The following CUX1 variants were observed in gnomAD, a reference collection of about 807,000 sequenced individuals.
The protein encoded by CUX1 is cut like homeobox 1, also known as protein CASP.
A neutral mutation model predicts 158.8 loss-of-function variants in CUX1; 31 were observed. The ratio of observed to expected loss-of-function variants is 0.20; its 90% CI spans 0.15 to 0.26. The LOEUF is 0.26. CUX1 is among the 10% of genes least tolerant of loss of function. CUX1 has a pLI of 1.00. For synonymous variants in CUX1, 879 were observed against 862.1 expected, an observed-to-expected ratio of 1.02 and a Z score of -0.34; for missense variants, 1,589 against 2,014.6, an observed-to-expected ratio of 0.79 and a Z score of 4.04.
At chr7:102,123,821 C>T (rs552144141) in intron 8 of CUX1, among the ~76,000 whole-genome samples, 2 of 151,924 alleles carry the variant, frequency 1.3e-5, no homozygotes, top group Non-Finnish European at 2.9e-5. Flanking sequence ...TACCACCACA[C>T]CTGGCTAATT....
At chr7:102,282,924 G>A in intron 22 of CUX1, 5 of 811,622 alleles carry the variant, frequency 6.2e-6, no homozygotes, top group Non-Finnish European at 1.0e-5. Flanking sequence ...CCTACTCCCG[G>A]TATCCACTAC....
At chr7:101,923,780 C>G (rs1805255595) in intron 2 of CUX1, among the ~76,000 whole-genome samples, 1 of 152,242 alleles carries the variant, frequency 6.6e-6, no homozygotes, top group Non-Finnish European at 1.5e-5. Context: ...GGCGGCAGCC[C>G]TGACTGTCGG....
chr7:102,184,155 C>T (rs2131841622), intron 11 of CUX1, among the ~76,000 whole-genome samples: 1 of 152,334 alleles, frequency 6.6e-6, no homozygotes, highest in African/African-American at 2.4e-5. Context: ...ACCTCAGTCT[C>T]CCCTAGTGCT....
At chr7:101,940,909 C>T (rs1807626638) in intron 2 of CUX1, among the ~76,000 whole-genome samples, 1 of 152,168 alleles carries the variant, frequency 6.6e-6, no homozygotes, top group African/African-American at 2.4e-5. Flanking sequence ...AGAGAGGGTC[C>T]GTGACTTGCT....
chr7:101,817,527 A>T, upstream of CUX1: 1 of 1,212,906 alleles, frequency 8.2e-7, no homozygotes, highest in South Asian at 3.1e-5. This position sits in a 1 kb window ranked among gnomAD's most constrained non-coding sequence, Gnocchi z 4.1. Context: ...CCAAGGGGCG[A>T]GTGCCTGCCT....
At chr7:102,149,432 G>A (rs1445468087) in intron 8 of CUX1, among the ~76,000 whole-genome samples, 3 of 106,370 alleles carry the variant, frequency 2.8e-5, no homozygotes, top group Admixed American at 3.0e-4. Flanking sequence ...GTATATCCCT[G>A]CTGAGCTCCT....
intron 3 of CUX1, among the ~76,000 whole-genome samples, chr7:102,031,687 A>G (rs1197214372): frequency 2.0e-5 from 3 of 152,198 alleles, no homozygotes. Context: ...GGTATACAAC[A>G]TGATGCTATG....
rs536626706 is a variant in CUX1 at position 102,104,629 on chromosome 7, C to T, written c.530+170C>T. Reference sequence around the variant, plus strand: ...TATTCTGGCTGGGTGTGGTGGCTCACGCCTGTAATCTCAGCACTTTGGGAG... The same window carrying T: ...TATTCTGGCTGGGTGTGGTGGCTCATGCCTGTAATCTCAGCACTTTGGGAG... On this transcript the variant is annotated intron_variant, in intron 6 of 23. Transcript: ENST00000292535. 5.3e-5 allele frequency among the ~76,000 whole-genome samples: 8 copies of T among 152,240 alleles called. No individual in the cohort carries two copies. In the South Asian group the frequency reaches 1.2e-3, roughly 24 times the overall value.
intron 3 of CUX1, among the ~76,000 whole-genome samples, chr7:102,068,541 A>G (rs1825798438): frequency 6.6e-6 from 1 of 152,156 alleles, no homozygotes; most frequent in East Asian, 1.9e-4. Context: ...GCATTGCGCT[A>G]GGCTGCTATG....
intron 8 of CUX1, among the ~76,000 whole-genome samples, chr7:102,147,055 C>T (rs118041784): frequency 0.014 from 2,109 of 152,128 alleles, 33 homozygotes; most frequent in Admixed American, 0.02. Flanking sequence ...AAATGAAAAC[C>T]GCTATTTCCA....
chr7:102,279,685 T>TG (rs111265010), intron 18 of CUX1, among the ~76,000 whole-genome samples: 210 of 152,216 alleles, frequency 1.4e-3, no homozygotes, highest in African/African-American at 4.8e-3. Context: ...GGTGGCCAGC[T>TG]GGGGGGCGTC....
At chr7:101,919,341 A>G (rs1804615184) in intron 2 of CUX1, among the ~76,000 whole-genome samples, 1 of 152,162 alleles carries the variant, frequency 6.6e-6, no homozygotes. Context: ...AGGAGCCACC[A>G]CTGCCCTGAC....
At chr7:102,042,125 C>T (rs1328295296) in intron 3 of CUX1, among the ~76,000 whole-genome samples, 1 of 152,064 alleles carries the variant, frequency 6.6e-6, no homozygotes, top group Non-Finnish European at 1.5e-5. Context: ...CTAAATACTG[C>T]ATTAAGCATC....
intron 20 of CUX1, among the ~76,000 whole-genome samples, chr7:102,213,003 CCTGA>C (rs1796706613): frequency 1.3e-5 from 2 of 152,194 alleles, no homozygotes; most frequent in African/African-American, 4.8e-5. Context: ...CACCACCACA[CCTGA>C]CTAATTTTTT....
chr7:102,237,133 G>C (rs1451611545), intron 22 of CUX1, among the ~76,000 whole-genome samples: 1 of 152,220 alleles, frequency 6.6e-6, no homozygotes, highest in Admixed American at 6.5e-5. Flanking sequence ...TGACTCCGCT[G>C]TTTGGGTTTT....
upstream of CUX1, among the ~76,000 whole-genome samples, chr7:101,816,268 C>T (rs971030461): frequency 6.9e-6 from 1 of 145,412 alleles, no homozygotes; most frequent in African/African-American, 2.5e-5. Flanking sequence ...GCTCCCCGGC[C>T]CCCATTGATC....
chr7:102,097,111 C>T (rs1829279390), intron 4 of CUX1, among the ~76,000 whole-genome samples: 1 of 152,238 alleles, frequency 6.6e-6, no homozygotes, highest in South Asian at 2.1e-4. Flanking sequence ...GAGTAATCGG[C>T]AAATACCAGT....
chr7:102,168,917 TC>T (rs1554509611), intron 9 of CUX1, among the ~76,000 whole-genome samples: 3,945 of 87,000 alleles, frequency 0.045, 132 homozygotes, highest in Middle Eastern at 0.091. Flanking sequence ...TCTTTTATTT[TC>T]TTTTCTTTTC....
rs376833286 is a variant in CUX1, at chr7:102,197,044, G to A, written c.1633G>A (p.Val545Ile). ...CAGCCAGTCAGAAAGTGCTGGGAGC[G>A]TCTCCGAGGGCGAGGAGATGGACAC... ...SPSQSESAGS[V>I]SEGEEMDTAE... The change falls in exon 15 of 24, where the codon GTC becomes ATC. Residue 545 changes from valine to isoleucine, a missense_variant. Physicochemically the swap from Val to Ile is conservative, Grantham distance 29. Coordinates refer to ENST00000292535, the MANE Select transcript of CUX1 (RefSeq NM_181552.4). 16 of 1,614,106 alleles carry A rather than the reference G, an allele frequency of 9.9e-6. No homozygotes were observed. The highest frequency in any genetic ancestry group is 8.3e-5 in the Admixed American group (5 of 60,012).
Sources: allele counts gnomAD v4.1 joint callset (sites outside exome capture counted in the v4.1 genomes callset), GRCh38; gene constraint gnomAD v4.1.1; non-coding constraint Gnocchi (gnomAD v3.1); transcripts MANE v1.5; gene names NCBI Gene and HGNC (gene_info 2026-07-23, HGNC 2026-07-21).